The following MCC variants were observed in gnomAD, a reference collection of about 807,000 sequenced individuals.
MCC encodes the protein colorectal mutant cancer protein.
Under a neutral mutation model 116.2 loss-of-function variants are expected in MCC, and 90 were observed. The ratio of observed to expected loss-of-function variants is 0.77; its 90% confidence interval spans 0.65 to 0.92. The LOEUF (loss-of-function observed/expected upper bound fraction) is 0.92. MCC is among the 40% of genes least tolerant of loss of function. The probability of loss-of-function intolerance (pLI) is 0.00; values close to 1 mark genes in which losing one functional copy is unlikely to be tolerated. For missense variants in MCC, 1,516 were observed against 1,312.2 expected, an observed-to-expected ratio of 1.16 and a Z score of -2.40; for synonymous variants, 578 against 510.5, an observed-to-expected ratio of 1.13 and a Z score of -1.78.
At chr5:113,224,204 C>A (rs563300200) in intron 3 of MCC, among the ~76,000 whole-genome samples, 1 of 152,112 alleles carries the variant, frequency 6.6e-6, no homozygotes, top group Non-Finnish European at 1.5e-5. Context: ...AAGTGATTCT[C>A]CTGCCTCAGC....
At chr5:113,033,390 G>C (rs1022980466) in intron 17 of MCC, among the ~76,000 whole-genome samples, 1 of 152,200 alleles carries the variant, frequency 6.6e-6, no homozygotes, top group African/African-American at 2.4e-5. Flanking sequence ...ACTTTATCAA[G>C]TCTACAGTTT....
intron 3 of MCC, among the ~76,000 whole-genome samples, chr5:113,170,918 T>C (rs1387721526): frequency 1.3e-5 from 2 of 152,090 alleles, no homozygotes; most frequent in Non-Finnish European, 2.9e-5. Flanking sequence ...GAGTGGGTGT[T>C]TGGCTCCCAC....
intron 6 of MCC, among the ~76,000 whole-genome samples, chr5:113,115,735 A>G (rs528500853): frequency 7.2e-5 from 11 of 152,260 alleles, no homozygotes; most frequent in African/African-American, 2.6e-4. Flanking sequence ...ATATGTGAAA[A>G]GAAGTTCAAA....
intron 3 of MCC, among the ~76,000 whole-genome samples, chr5:113,327,149 G>C (rs1391939374): frequency 6.6e-6 from 1 of 152,082 alleles, no homozygotes; most frequent in Non-Finnish European, 1.5e-5. Flanking sequence ...TTCAGATCTG[G>C]GATAAAGGAG....
intron 1 of MCC, among the ~76,000 whole-genome samples, chr5:113,451,238 T>C (rs965350369): frequency 6.6e-6 from 1 of 152,252 alleles, no homozygotes; most frequent in African/African-American, 2.4e-5. Context: ...TAGAAAGCTT[T>C]CCCTTGCTCT....
chr5:113,057,422 A>G (rs1013843287), intron 14 of MCC, among the ~76,000 whole-genome samples: 10 of 152,078 alleles, frequency 6.6e-5, no homozygotes, highest in African/African-American at 2.4e-4. Context: ...AGCTTGGAGC[A>G]AGGTGGGAGC....
chr5:113,144,036 C>T (rs1438982582), intron 4 of MCC, among the ~76,000 whole-genome samples: 1 of 152,162 alleles, frequency 6.6e-6, no homozygotes, highest in Admixed American at 6.5e-5. Context: ...CATTATTTAG[C>T]CTAGCACCGG....
At chr5:113,096,104 G>A (rs980352834) in intron 8 of MCC, among the ~76,000 whole-genome samples, 3 of 152,192 alleles carry the variant, frequency 2.0e-5, no homozygotes, top group African/African-American at 4.8e-5. Flanking sequence ...CACATAGCAG[G>A]CAGCTTCCCT....
intron 3 of MCC, among the ~76,000 whole-genome samples, chr5:113,243,181 T>G (rs73244779): frequency 0.16 from 24,215 of 152,104 alleles, 2,245 homozygotes; most frequent in Admixed American, 0.29. Context: ...TTTTGTTTTG[T>G]TTTGGTTTTT....
intron 3 of MCC, among the ~76,000 whole-genome samples, chr5:113,264,250 T>A (rs770188710): frequency 6.6e-6 from 1 of 152,206 alleles, no homozygotes; most frequent in Admixed American, 6.5e-5. Context: ...TTACACAATC[T>A]TCCAGGAGAC....
intron 16 of MCC, among the ~76,000 whole-genome samples, chr5:113,044,204 C>T (rs909520922): frequency 6.6e-6 from 1 of 152,170 alleles, no homozygotes; most frequent in African/African-American, 2.4e-5. Flanking sequence ...GATTTAGGAG[C>T]CTTGCTGGGT....
chr5:113,288,135 C>T (rs1766333250), intron 3 of MCC, among the ~76,000 whole-genome samples: 1 of 152,242 alleles, frequency 6.6e-6, no homozygotes, highest in Non-Finnish European at 1.5e-5. Context: ...TCAGCATGTG[C>T]TTCTGCAAGA....
intron 1 of MCC, among the ~76,000 whole-genome samples, chr5:113,408,985 A>C (rs1167755601): frequency 6.6e-6 from 1 of 152,228 alleles, no homozygotes; most frequent in Admixed American, 6.5e-5. Flanking sequence ...CACTGTTTAG[A>C]GATTTTAAGC....
At chr5:113,452,025 G>T (rs773300261) in intron 1 of MCC, among the ~76,000 whole-genome samples, 1 of 152,148 alleles carries the variant, frequency 6.6e-6, no homozygotes, top group Non-Finnish European at 1.5e-5. Flanking sequence ...GGGCACTTCC[G>T]TTCTCCTCCA....
At chr5:113,103,057 T>A (rs2150255898) in intron 7 of MCC, among the ~76,000 whole-genome samples, 1 of 152,210 alleles carries the variant, frequency 6.6e-6, no homozygotes, top group African/African-American at 2.4e-5. Flanking sequence ...GAGGTTGCAG[T>A]GAGCTGAGAT....
intron 17 of MCC, among the ~76,000 whole-genome samples, chr5:113,041,941 G>A (rs1751731730): frequency 6.6e-6 from 1 of 152,078 alleles, no homozygotes; most frequent in South Asian, 2.1e-4. Flanking sequence ...AGATTGCAGT[G>A]AGCCGAGATC....
At chr5:113,287,359 C>T (rs137885508) in intron 3 of MCC, among the ~76,000 whole-genome samples, 2,403 of 152,236 alleles carry the variant, frequency 0.016, 63 homozygotes, top group African/African-American at 0.055. Context: ...GACAGAGTCT[C>T]GCTCTGTCGC....
chr5:113,484,223 C>T (rs1772455474), intron 1 of MCC, among the ~76,000 whole-genome samples: 1 of 152,068 alleles, frequency 6.6e-6, no homozygotes. Context: ...AACAAACCCC[C>T]ACGACACAAG....
At chr5:113,039,821 G>C (rs1226008056) in intron 17 of MCC, among the ~76,000 whole-genome samples, 10 of 151,456 alleles carry the variant, frequency 6.6e-5, no homozygotes, top group South Asian at 2.1e-4. Flanking sequence ...GCTGTGCTTG[G>C]GTCCCGAGGG....
Sources: gnomAD v4.1 joint callset for allele counts (sites outside exome capture counted in the v4.1 genomes callset) on GRCh38, gnomAD v4.1.1 for gene constraint, MANE v1.5 for transcripts, NCBI Gene and HGNC (gene_info 2026-07-23, HGNC 2026-07-21) for gene names.